Variants in PKNOX2 observed in about 807,000 individuals in gnomAD.
The protein encoded by PKNOX2 is PBX/knotted 1 homeobox 2.
In PKNOX2, 14 loss-of-function variants were observed where a neutral mutation model predicts 53.1. The observed-to-expected ratio is 0.26, with a 90% CI of 0.17 to 0.41. The LOEUF is 0.41. Among genes scored for constraint, PKNOX2 ranks in the 10% least tolerant of loss-of-function variants. PKNOX2 has a pLI of 1.00. For missense variants in PKNOX2, 496 were observed against 602.8 expected (o/e 0.82, Z 1.85); for synonymous variants, 257 against 242.8 (o/e 1.06, Z -0.54).
chr11:125,272,701 G>A (rs1158887437), intron 2 of PKNOX2, among the ~76,000 whole-genome samples: 3 of 152,218 alleles, frequency 2.0e-5, no homozygotes, highest in Admixed American at 2.0e-4. Flanking sequence ...CTTCCTCCAA[G>A]AGGAACAGCC....
intron 1 of PKNOX2, among the ~76,000 whole-genome samples, chr11:125,210,850 C>T (rs1939759346): frequency 6.6e-6 from 1 of 152,110 alleles, no homozygotes; most frequent in African/African-American, 2.4e-5. Context: ...AAAGGATAAA[C>T]TGCACTGGGG....
At chr11:125,282,249 G>GC (rs1946607028) in intron 2 of PKNOX2, among the ~76,000 whole-genome samples, 1 of 152,228 alleles carries the variant, frequency 6.6e-6, no homozygotes, top group Admixed American at 6.5e-5. Flanking sequence ...CCCATTTTTA[G>GC]CCGCATGGCC....
In PKNOX2 at chr11:125,432,125, C is replaced by T. The variant is rs1956730704; in HGVS notation, c.*733C>T. ...TGTGGGAGGTTAAGAGGAGTCCCTT[C>T]TGGGTTGACTCCAAGAGCCAAGGAG... On this transcript the variant is annotated 3_prime_UTR_variant, in exon 13 of 13. Coordinates refer to ENST00000298282, the MANE Select transcript of PKNOX2 (RefSeq NM_001382323.2). 6.6e-6 allele frequency: 1 copy of T among 152,334 alleles called. No homozygotes were observed. The highest frequency in any genetic ancestry group is 2.4e-5 in the African/African-American group (1 of 41,458). 9.4% of individuals were successfully genotyped at this position (152,334 alleles called of 1,614,324 possible).
At chr11:125,330,888 G>A (rs1208320623) in intron 2 of PKNOX2, among the ~76,000 whole-genome samples, 1 of 152,218 alleles carries the variant, frequency 6.6e-6, no homozygotes, top group African/African-American at 2.4e-5. Flanking sequence ...GTAAGATGGT[G>A]TTAACTAGGA....
intron 1 of PKNOX2, among the ~76,000 whole-genome samples, chr11:125,233,981 C>G (rs1942456375): frequency 6.6e-6 from 1 of 152,204 alleles, no homozygotes; most frequent in East Asian, 1.9e-4. Flanking sequence ...GCGCTACTCT[C>G]TCCTCTAGTG....
chr11:125,390,658 G>A (rs991672624), intron 6 of PKNOX2, among the ~76,000 whole-genome samples: 1 of 152,214 alleles, frequency 6.6e-6, no homozygotes, highest in African/African-American at 2.4e-5. Context: ...CCATTTGACA[G>A]AGGAAGAAAT....
In PKNOX2 at chr11:125,235,115, T is replaced by G. The variant is rs1259955595; in HGVS notation, c.-130T>G. ...GCTCACTAGAAAAGGGGCTGTGAAC[T>G]GTAAGTAACTTTGATTGGCGTTTTC... On this transcript the variant is annotated splice_region_variant and 5_prime_UTR_variant, in exon 2 of 13. Coordinates refer to ENST00000298282, the MANE Select transcript of PKNOX2 (RefSeq NM_001382323.2). The G allele has an allele frequency of 6.6e-6, 1 of 152,658 alleles. No homozygotes were observed. Among genetic ancestry groups the G allele is most frequent in the Admixed American group, 6.5e-5 (1 of 15,282 alleles). 9.5% of individuals were successfully genotyped at this position (152,658 alleles called of 1,614,324 possible).
chr11:125,209,592 C>T (rs1939579709), intron 1 of PKNOX2, among the ~76,000 whole-genome samples: 1 of 151,864 alleles, frequency 6.6e-6, no homozygotes, highest in Admixed American at 6.6e-5. Context: ...GGCACAGAAC[C>T]AATGGCTACA....
At chr11:125,404,664 A>C (rs1159809942) in intron 7 of PKNOX2, among the ~76,000 whole-genome samples, 4 of 152,064 alleles carry the variant, frequency 2.6e-5, no homozygotes, top group African/African-American at 9.7e-5. Flanking sequence ...ACACAGGAAT[A>C]CACCCACAGC....
At chr11:125,386,814 C>T (rs921525068) in intron 6 of PKNOX2, among the ~76,000 whole-genome samples, 1 of 151,840 alleles carries the variant, frequency 6.6e-6, no homozygotes, top group Non-Finnish European at 1.5e-5. Flanking sequence ...ATCCACACCA[C>T]CGCTTCTCTC....
At chr11:125,426,377 C>T (rs1356392780) in intron 10 of PKNOX2, among the ~76,000 whole-genome samples, 1 of 152,236 alleles carries the variant, frequency 6.6e-6, no homozygotes, top group Non-Finnish European at 1.5e-5. Context: ...GCTTTTTCCT[C>T]CTTTTTTTCT....
intron 11 of PKNOX2, 110 bp downstream of exon 11, chr11:125,429,198 C>T: frequency 3.7e-6 from 4 of 1,076,660 alleles, no homozygotes; most frequent in Non-Finnish European, 5.5e-6. Context: ...GCCTCAATCT[C>T]AGCCCAGCTA....
chr11:125,321,904 A>G (rs1055193837), intron 2 of PKNOX2, among the ~76,000 whole-genome samples: 2 of 152,204 alleles, frequency 1.3e-5, no homozygotes, highest in East Asian at 1.9e-4. Context: ...GGGAACTTCT[A>G]TGTGTCCTCA....
intron 1 of PKNOX2, among the ~76,000 whole-genome samples, chr11:125,224,074 T>C (rs1941460936): frequency 6.6e-6 from 1 of 152,248 alleles, no homozygotes; most frequent in Admixed American, 6.5e-5. Flanking sequence ...CCCTGGACGC[T>C]GCTAGCTCTT....
intron 3 of PKNOX2, among the ~76,000 whole-genome samples, chr11:125,333,051 G>T (rs1307709206): frequency 1.3e-5 from 2 of 152,200 alleles, no homozygotes; most frequent in Non-Finnish European, 2.9e-5. Flanking sequence ...TGTGGGTTGG[G>T]CGATGCCCGT....
In PKNOX2 at chr11:125,200,252, C is replaced by A. The variant is rs147263995; in HGVS notation, c.-200-34793C>A. Among the ~76,000 whole-genome samples, 476 of 152,324 alleles carry A rather than the reference C, an allele frequency of 3.1e-3. 2 individuals carry two copies. Among genetic ancestry groups the A allele is most frequent in the African/African-American group, 0.011 (459 of 41,562 alleles). The stretch of plus-strand genomic sequence containing the variant: ...TGAAGAAATAAGGCAAAGGGATGAG[C>A]AGAGAGTCCCTCCCAAGGGTTAGAG... On this transcript the variant is annotated intron_variant, in intron 1 of 12. Transcript: ENST00000298282.
At chr11:125,383,218 A>C (rs1953374242) in intron 5 of PKNOX2, among the ~76,000 whole-genome samples, 1 of 152,144 alleles carries the variant, frequency 6.6e-6, no homozygotes, top group African/African-American at 2.4e-5. Context: ...GGGTTCCCCC[A>C]CCCACTTACA....
rs188916420 is a variant in PKNOX2, at chr11:125,373,573, G to C, written c.227+5588G>C. Among the ~76,000 whole-genome samples the C allele has an allele frequency of 6.7e-4, 102 of 152,398 alleles. 1 individual carries two copies. Among genetic ancestry groups the C allele is most frequent in the African/African-American group, 2.3e-3 (95 of 41,604 alleles). On this transcript the variant is annotated intron_variant, in intron 5 of 12. Transcript: ENST00000298282. ...CTGGCAGGTGGTCCACATTCTGTGG[G>C]TGTCAGCCGCTGTTGGATGTATTGG...
intron 6 of PKNOX2, 78 bp from the exon 7 acceptor site, chr11:125,397,796 G>A (rs1207999134): frequency 1.9e-5 from 28 of 1,446,496 alleles, no homozygotes; most frequent in Non-Finnish European, 2.5e-5. Context: ...CTCCCCTGGG[G>A]TGGTGGGGGC....
Sources: gnomAD v4.1 joint callset for allele counts (sites outside exome capture counted in the v4.1 genomes callset) on GRCh38, gnomAD v4.1.1 for gene constraint, MANE v1.5 for transcripts, NCBI Gene and HGNC (gene_info 2026-07-23, HGNC 2026-07-21) for gene names.